The following CPVL variants were observed in gnomAD, a reference collection of about 807,000 sequenced individuals.
The protein encoded by CPVL is carboxypeptidase vitellogenic like.
A neutral mutation model predicts 63.7 loss-of-function variants in CPVL; 51 were observed. That is an observed-to-expected ratio of 0.80 (90% CI 0.64 to 1.01). The LOEUF (loss-of-function observed/expected upper bound fraction) is 1.01. CPVL is among the 50% of genes least tolerant of loss of function. The probability of loss-of-function intolerance (pLI) is 0.00; values close to 1 mark genes in which losing one functional copy is unlikely to be tolerated. For missense variants in CPVL, 530 were observed against 573.1 expected (o/e 0.92, Z 0.77); for synonymous variants, 195 against 206.0 (o/e 0.95, Z 0.46).
chr7:29,071,916 A>G lies in CPVL; in HGVS notation c.733-12T>C, dbSNP rs745714553. The G allele has an allele frequency of 6.2e-7, 1 of 1,613,850 alleles. No individual in the cohort carries two copies. The highest frequency in any genetic ancestry group is 8.5e-7 in the Non-Finnish European group (1 of 1,179,910). On this transcript the variant is annotated splice_polypyrimidine_tract_variant and intron_variant, in intron 8 of 12. Transcript: ENST00000265394. ...TAGCCCCCTATAATCTGAGGACAAA[A>G]AAGACACACATCAATGTGACAAAGG...
chr7:29,173,333 T>G (rs1796858939), intron 5 of CPVL, among the ~76,000 whole-genome samples: 2 of 152,186 alleles, frequency 1.3e-5, no homozygotes, highest in African/African-American at 4.8e-5. Flanking sequence ...CCTAACTTTC[T>G]GCAGCCATAT....
intron 5 of CPVL, among the ~76,000 whole-genome samples, chr7:29,165,329 C>T (rs1795771708): frequency 6.6e-6 from 1 of 152,090 alleles, no homozygotes; most frequent in African/African-American, 2.4e-5. Flanking sequence ...TTGGATTGAT[C>T]TTTACTACTG....
At chr7:29,157,164 C>T (rs1197975902) in intron 5 of CPVL, among the ~76,000 whole-genome samples, 1 of 152,146 alleles carries the variant, frequency 6.6e-6, no homozygotes, top group Non-Finnish European at 1.5e-5. Flanking sequence ...TCTTTTCTCC[C>T]ACTTAACATC....
chr7:29,146,247 C>A, intron 1 of CPVL, 182 bp downstream of exon 1: 1 of 222,938 alleles, frequency 4.5e-6, no homozygotes. Context: ...CCCCAATGCT[C>A]CAATTTGAAC....
chr7:29,164,933 T>C (rs1795715223), intron 5 of CPVL, among the ~76,000 whole-genome samples: 1 of 152,178 alleles, frequency 6.6e-6, no homozygotes, highest in Admixed American at 6.5e-5. Flanking sequence ...AATACCACAC[T>C]GTCTTGATTA....
intron 5 of CPVL, among the ~76,000 whole-genome samples, chr7:29,177,648 C>T (rs1797535210): frequency 6.6e-6 from 1 of 151,484 alleles, no homozygotes; most frequent in South Asian, 2.1e-4. Context: ...ATCTATCTGT[C>T]CATCTATTAA....
Position 29,176,283 on chromosome 7 carries a change from C to T in CPVL, c.-11+5007G>A, listed in dbSNP as rs573217094. Among the ~76,000 whole-genome samples the T allele has an allele frequency of 2.5e-3, 378 of 151,834 alleles. 3 individuals carry two copies. The highest frequency in any genetic ancestry group is 8.0e-3 in the African/African-American group (330 of 41,420). On this transcript the variant is annotated intron_variant, in intron 5 of 16. Coordinates refer to the CPVL transcript ENST00000409850. ...GAGAAGTCAAGAAGGCCAATAGGTC[C>T]TGAGCAGGATAAATAAAAATAAAGT...
chr7:29,191,382 A>C (rs1224780438), intron 1 of CPVL, among the ~76,000 whole-genome samples: 3 of 152,182 alleles, frequency 2.0e-5, no homozygotes, highest in African/African-American at 7.2e-5. Context: ...ATCAGGGAAA[A>C]CTTTCCAGAG....
At chr7:29,118,210 C>A (rs1788972275) in intron 2 of CPVL, among the ~76,000 whole-genome samples, 1 of 152,216 alleles carries the variant, frequency 6.6e-6, no homozygotes, top group African/African-American at 2.4e-5. Flanking sequence ...TCCCGTTGGG[C>A]AACTCGGATA....
chr7:29,086,154 T>C (rs1785177733), intron 7 of CPVL, among the ~76,000 whole-genome samples: 1 of 152,016 alleles, frequency 6.6e-6, no homozygotes, highest in Non-Finnish European at 1.5e-5. Flanking sequence ...TAGCCGTGCA[T>C]GGTGGCAGGC....
chr7:29,166,850 G>A (rs1393204770), intron 5 of CPVL, among the ~76,000 whole-genome samples: 4 of 151,490 alleles, frequency 2.6e-5, no homozygotes, highest in Non-Finnish European at 5.9e-5. Context: ...TCTATTTCCT[G>A]TACCTTCTTG....
intron 11 of CPVL, among the ~76,000 whole-genome samples, chr7:29,046,497 T>G (rs991113770): frequency 1.2e-4 from 18 of 152,094 alleles, no homozygotes; most frequent in Admixed American, 1.2e-3. Flanking sequence ...AAAACTGCAG[T>G]GTCCTTCCAG....
Position 29,141,855 on chromosome 7 carries a change from C to T in CPVL, c.-11+4574G>A, listed in dbSNP as rs1275027768. The stretch of plus-strand genomic sequence containing the variant: ...ACTTGAACCCAGGAGGCAGAGGTTG[C>T]AGTGAGCTGAGATTGTGCCACCGCA... On this transcript the variant is annotated intron_variant, in intron 1 of 12. Transcript: ENST00000265394. Among the ~76,000 whole-genome samples, 4 of 151,702 alleles carry T rather than the reference C, an allele frequency of 2.6e-5. No individual in the cohort carries two copies. The South Asian group carries it at 8.3e-4, about 32-fold the overall frequency.
intron 11 of CPVL, among the ~76,000 whole-genome samples, chr7:29,052,633 G>T (rs575406793): frequency 6.6e-6 from 1 of 152,144 alleles, no homozygotes; most frequent in Non-Finnish European, 1.5e-5. Flanking sequence ...TCTCAGGCTG[G>T]GCACGGTGGC....
chr7:29,001,926 A>G (rs970061035), intron 12 of CPVL, among the ~76,000 whole-genome samples: 15 of 152,192 alleles, frequency 9.9e-5, no homozygotes, highest in African/African-American at 3.6e-4. Context: ...ATCTTATTCC[A>G]CAGAAAACAA....
At chr7:29,166,168 C>T (rs2128718381) in intron 5 of CPVL, among the ~76,000 whole-genome samples, 1 of 152,130 alleles carries the variant, frequency 6.6e-6, no homozygotes, top group Middle Eastern at 3.4e-3. Flanking sequence ...GTAGCTAGGA[C>T]CACGGGTGTG....
chr7:29,187,031 G>A (rs1030351851), intron 1 of CPVL, among the ~76,000 whole-genome samples: 3 of 152,128 alleles, frequency 2.0e-5, no homozygotes. Flanking sequence ...ATATGACAAT[G>A]TATACAAAGT....
intron 12 of CPVL, among the ~76,000 whole-genome samples, chr7:29,007,325 A>C (rs1785288057): frequency 6.6e-6 from 1 of 152,214 alleles, no homozygotes; most frequent in African/African-American, 2.4e-5. Flanking sequence ...GTCCTCTCTA[A>C]TGAAATAGAA....
intron 3 of CPVL, among the ~76,000 whole-genome samples, chr7:29,100,584 A>C (rs985469007): frequency 1.3e-5 from 2 of 152,180 alleles, no homozygotes; most frequent in African/African-American, 4.8e-5. Flanking sequence ...CTGGACTCAG[A>C]AAAATAGCCT....
Sources: allele counts gnomAD v4.1 joint callset (sites outside exome capture counted in the v4.1 genomes callset), GRCh38; gene constraint gnomAD v4.1.1; transcripts MANE v1.5; gene names NCBI Gene and HGNC (gene_info 2026-07-23, HGNC 2026-07-21).